TBC1D4: variants seen among roughly 807,000 people sequenced by gnomAD.
TBC1D4 encodes TBC (Tre-2, BUB2, CDC16) domain-containing protein.
TBC1D4 carries 121 observed loss-of-function variants against 142.5 expected under a neutral mutation model. That is an observed-to-expected ratio of 0.85 (90% CI 0.73 to 0.99). TBC1D4 has a LOEUF of 0.99. Among genes scored for constraint, TBC1D4 ranks in the 50% least tolerant of loss-of-function variants. The pLI, the probability that TBC1D4 is intolerant of heterozygous loss-of-function variation, is 0.00. For synonymous variants in TBC1D4, 630 were observed against 628.2 expected, an observed-to-expected ratio of 1.00 and a Z score of -0.04; for missense variants, 1,475 against 1,606.6, an observed-to-expected ratio of 0.92 and a Z score of 1.40.
intron 3 of TBC1D4, among the ~76,000 whole-genome samples, chr13:75,358,467 A>G (rs778737944): frequency 5.3e-5 from 8 of 152,214 alleles, no homozygotes; most frequent in Non-Finnish European, 1.0e-4. Context: ...TATCTACACA[A>G]TGTAATTTTA....
intron 1 of TBC1D4, among the ~76,000 whole-genome samples, chr13:75,433,987 C>A (rs940370259): frequency 6.6e-6 from 1 of 152,090 alleles, no homozygotes; most frequent in Admixed American, 6.6e-5. Flanking sequence ...GTCAGAATGG[C>A]TATTACTAAA....
rs370816364 is a variant in TBC1D4 at position 75,299,506 on chromosome 13, G to T, written c.2980C>A (p.Leu994Ile). 1 of 1,614,168 alleles carries T rather than the reference G, an allele frequency of 6.2e-7. No individual in the cohort carries two copies. Among genetic ancestry groups the T allele is most frequent in the African/African-American group, 1.3e-5 (1 of 75,034 alleles). Residue 994 changes from leucine (L) to isoleucine (I), a missense_variant, in exon 17 of 21, where the codon CTC becomes ATC. Leu to Ile is a conservative substitution (Grantham distance 5). Coordinates refer to ENST00000377636, the MANE Select transcript of TBC1D4 (RefSeq NM_014832.5). ...LGPGQLSLFN[L>I]LKAYSLLDKE... ...TCCAGCAAAGAATAGGCTTTCAGGAGGTTAAACAGTGACAGCTGTCCTGGC... is the reference window on the plus strand; with the variant it reads ...TCCAGCAAAGAATAGGCTTTCAGGATGTTAAACAGTGACAGCTGTCCTGGC...
intron 1 of TBC1D4, among the ~76,000 whole-genome samples, chr13:75,369,659 C>A (rs1025665627): frequency 4.6e-5 from 7 of 152,128 alleles, no homozygotes; most frequent in African/African-American, 1.7e-4. Flanking sequence ...AGATATGATA[C>A]CCCCTAGGTC....
chr13:75,387,288 G>A (rs535046415), intron 1 of TBC1D4, among the ~76,000 whole-genome samples: 1 of 152,086 alleles, frequency 6.6e-6, no homozygotes. Flanking sequence ...TATATAAATG[G>A]AAAAGGGCAA....
intron 14 of TBC1D4, among the ~76,000 whole-genome samples, chr13:75,308,476 G>A (rs542262121): frequency 6.6e-6 from 1 of 152,302 alleles, no homozygotes; most frequent in African/African-American, 2.4e-5. Flanking sequence ...TCCCAAGCCA[G>A]TCACTACTTC....
At chr13:75,370,745 A>T (rs1041962522) in intron 1 of TBC1D4, among the ~76,000 whole-genome samples, 3 of 152,214 alleles carry the variant, frequency 2.0e-5, no homozygotes, top group Non-Finnish European at 2.9e-5. Flanking sequence ...AGGAGATGTC[A>T]GTAGGCAGTT....
chr13:75,469,541 C>G (rs191814476), intron 1 of TBC1D4, among the ~76,000 whole-genome samples: 1 of 152,152 alleles, frequency 6.6e-6, no homozygotes, highest in Non-Finnish European at 1.5e-5. Flanking sequence ...GGGGCTGAAG[C>G]AAGAGGACTG....
chr13:75,289,562 C>A (rs1471833746), intron 19 of TBC1D4, among the ~76,000 whole-genome samples: 1 of 151,856 alleles, frequency 6.6e-6, no homozygotes, highest in Non-Finnish European at 1.5e-5. Flanking sequence ...TAGGGTATTA[C>A]TGTAATAAAG....
chr13:75,438,433 G>A (rs1435949913), intron 1 of TBC1D4, among the ~76,000 whole-genome samples: 1 of 152,030 alleles, frequency 6.6e-6, no homozygotes, highest in African/African-American at 2.4e-5. Flanking sequence ...AATGCCTAAG[G>A]ATAGAAAAAA....
chr13:75,408,250 T>C (rs1411840289), intron 1 of TBC1D4, among the ~76,000 whole-genome samples: 8 of 152,352 alleles, frequency 5.3e-5, no homozygotes, highest in Middle Eastern at 3.4e-3. Context: ...TAAGCATTTT[T>C]TGGGGTTCAT....
At chr13:75,353,573 A>C (rs1881792567) in intron 4 of TBC1D4, among the ~76,000 whole-genome samples, 1 of 152,158 alleles carries the variant, frequency 6.6e-6, no homozygotes, top group Admixed American at 6.5e-5. Context: ...CTAGGAATAA[A>C]GTATAGTAAG....
At position 75,299,467 on chromosome 13, in the gene TBC1D4, A is replaced by G; in HGVS notation, c.3019T>C (p.Tyr1007His). The G allele has an allele frequency of 6.2e-7, 1 of 1,614,214 alleles. No homozygotes were observed. Among genetic ancestry groups the G allele is most frequent in the Non-Finnish European group, 8.5e-7 (1 of 1,180,048 alleles). ...AYSLLDKEVG[Y>H]CQGISFVAGV... ...GCCACAAAGCTGATCCCCTGACAGT[A>G]TCCCACTTCTTTGTCCAGCAAAGAA... The change falls in exon 17 of 21, where the codon TAC becomes CAC. Residue 1007 changes from tyrosine (Y) to histidine (H), a missense_variant. Tyr to His is a moderately conservative substitution (Grantham distance 83). Transcript: ENST00000377636.
At chr13:75,366,888 AG>A in intron 1 of TBC1D4, 2 of 223,624 alleles carry the variant, frequency 8.9e-6, no homozygotes, top group Non-Finnish European at 1.2e-5. Context: ...AAATCTGGAG[AG>A]TGAAAAAGCA....
Position 75,336,921 on chromosome 13 carries a change from C to T in TBC1D4, c.1731G>A (p.Arg577=). The T allele has an allele frequency of 6.2e-7, 1 of 1,613,358 alleles. No individual in the cohort carries two copies. Among genetic ancestry groups the T allele is most frequent in the Non-Finnish European group, 8.5e-7 (1 of 1,179,756 alleles). The part of the protein sequence containing the change: ...LTSSLENIFS[R]GANRMRGRLG... ...TGAAAGACCATTGGTGCAATCTTAC[C>T]CTTGAGAAGATATTTTCCAGGGAGC... Residue 577 remains arginine, a splice_region_variant and synonymous_variant, in exon 8 of 21, where the codon AGG becomes AGA. Transcript: ENST00000377636.
At chr13:75,411,075 C>T (rs1291052944) in intron 1 of TBC1D4, among the ~76,000 whole-genome samples, 1 of 151,564 alleles carries the variant, frequency 6.6e-6, no homozygotes, top group Non-Finnish European at 1.5e-5. Context: ...ATAAAAAAGC[C>T]GAAAGAACCC....
intron 1 of TBC1D4, among the ~76,000 whole-genome samples, chr13:75,395,275 A>T (rs573125638): frequency 6.6e-6 from 1 of 152,312 alleles, no homozygotes; most frequent in Non-Finnish European, 1.5e-5. Context: ...TCCTCACCAC[A>T]GACGCCGTGC....
chr13:75,318,161 C>A (rs1878468107), intron 12 of TBC1D4, among the ~76,000 whole-genome samples: 1 of 152,234 alleles, frequency 6.6e-6, no homozygotes, highest in African/African-American at 2.4e-5. Context: ...AGAGACTCAA[C>A]TTTAAGAAGG....
At position 75,286,562 on chromosome 13, in the gene TBC1D4, T is replaced by C; in HGVS notation, c.*230A>G. The C allele has an allele frequency of 2.3e-6, 1 of 441,828 alleles. No homozygotes were observed. Among genetic ancestry groups the C allele is most frequent in the Non-Finnish European group, 4.0e-6 (1 of 249,128 alleles). The allele number at this position is 441,828 out of a possible 1,614,324, so 27.4% of individuals were successfully genotyped here. On this transcript the variant is annotated 3_prime_UTR_variant, in exon 21 of 21. Transcript: ENST00000377636. ...AAGCATGAACTATGTTCATTTTATA[T>C]ATATATTTATATGTACATAGCAACA...
At chr13:75,431,659 T>C (rs777690440) in intron 1 of TBC1D4, among the ~76,000 whole-genome samples, 2 of 152,234 alleles carry the variant, frequency 1.3e-5, no homozygotes, top group African/African-American at 4.8e-5. Context: ...AAGAATTTCA[T>C]ATTGCATTCT....
Sources: gnomAD v4.1 joint callset for allele counts (sites outside exome capture counted in the v4.1 genomes callset) on GRCh38, gnomAD v4.1.1 for gene constraint, MANE v1.5 for transcripts, NCBI Gene and HGNC (gene_info 2026-07-23, HGNC 2026-07-21) for gene names.